Variants in C4orf50 observed in about 807,000 individuals in gnomAD.
The protein encoded by C4orf50 is uncharacterized protein C4orf50.
C4orf50 carries 80 observed loss-of-function variants against 77.2 expected under a neutral mutation model. That is an observed-to-expected ratio of 1.04 (90% CI 0.87 to 1.25). The LOEUF is 1.25. Among genes scored for constraint, C4orf50 ranks in the 50% most tolerant of loss-of-function variants. The pLI is 0.00. For synonymous variants in C4orf50, 532 were observed against 465.3 expected, an observed-to-expected ratio of 1.14 and a Z score of -1.84; for missense variants, 1,257 against 1,152.9, an observed-to-expected ratio of 1.09 and a Z score of -1.31.
intron 28 of C4orf50, among the ~76,000 whole-genome samples, chr4:5,987,377 C>T (rs1234144493): frequency 8.1e-6 from 1 of 123,180 alleles, no homozygotes; most frequent in South Asian, 2.7e-4. Context: ...CACCACTGCA[C>T]TCCAGCCTGG....
At chr4:5,980,147 A>G (rs779211767) in intron 29 of C4orf50, 27 bp downstream of exon 7, 7 of 1,545,348 alleles carry the variant, frequency 4.5e-6, no homozygotes, top group African/African-American at 1.4e-5. Context: ...CTGGCTGACA[A>G]GAGGGGAAAG....
At chr4:5,981,226 CT>C (rs1020175638) in intron 28 of C4orf50, among the ~76,000 whole-genome samples, 6 of 151,994 alleles carry the variant, frequency 3.9e-5, no homozygotes, top group African/African-American at 1.5e-4. Context: ...GTTGAAAATG[CT>C]GTTATTAGTA....
chr4:5,915,408 T>A (rs1456261735), intron 7 of C4orf50, among the ~76,000 whole-genome samples: 5 of 152,248 alleles, frequency 3.3e-5, no homozygotes, highest in African/African-American at 1.2e-4. Context: ...CCCAGTTCCT[T>A]TCTCCTTTGT....
chr4:5,988,730 G>A lies in C4orf50; in HGVS notation c.3316C>T (p.Gln1106Ter). ...AAACGCCCCTGATCCGTGCTCCTCT[G>A]CAAGGTGACTTCCCTCTCCAGGACA... The change falls in exon 28 of 34, where the codon CAG becomes TAG. Residue 1106 changes from glutamine to a stop codon, truncating the protein, a stop_gained. Coordinates refer to ENST00000531445, the Ensembl canonical transcript of C4orf50. LOFTEE classifies it high-confidence loss of function. 6.5e-7 allele frequency: 1 copy of A among 1,536,108 alleles called. No individual in the cohort carries two copies.
chr4:5,965,078 C>A lies in C4orf50; in HGVS notation c.4221G>T (p.Trp1407Cys), dbSNP rs1332999896. ...CTGGCCACTCCGGCTCGGGAATAGG[C>A]CAGGACTCTGAAGACAATGAGCTTT... Residue 1407 changes from tryptophan to cysteine, a missense_variant, in exon 33 of 34, where the codon TGG (tryptophan) becomes TGT (cysteine). By Grantham distance (215) the Trp-to-Cys change is radical. Coordinates refer to ENST00000531445, the Ensembl canonical transcript of C4orf50. 2.5e-6 allele frequency: 4 copies of A among 1,613,706 alleles called. No homozygotes were observed. In the South Asian group the frequency reaches 4.4e-5, roughly 18 times the overall value.
intron 7 of C4orf50, among the ~76,000 whole-genome samples, chr4:5,938,259 A>G (rs558492166): frequency 3.0e-4 from 46 of 152,366 alleles, no homozygotes; most frequent in Non-Finnish European, 5.3e-4. Context: ...AACATAAATA[A>G]TAAGAACAAA....
chr4:5,997,724 CT>C (rs1721656056), intron 25 of C4orf50, among the ~76,000 whole-genome samples: 1 of 152,164 alleles, frequency 6.6e-6, no homozygotes, highest in African/African-American at 2.4e-5. Context: ...CCCTTCTGGG[CT>C]TTTTTCTATG....
intron 7 of C4orf50, among the ~76,000 whole-genome samples, chr4:5,945,783 C>T (rs753247794): frequency 6.6e-6 from 1 of 152,194 alleles, no homozygotes; most frequent in South Asian, 2.1e-4. Context: ...CTGGGCTGGG[C>T]TGGACCCTGG....
chr4:5,927,328 C>T (rs905743200), intron 7 of C4orf50, among the ~76,000 whole-genome samples: 7 of 152,084 alleles, frequency 4.6e-5, no homozygotes, highest in African/African-American at 1.7e-4. Flanking sequence ...TCCAACCACA[C>T]TCAACTCCCT....
intron 24 of C4orf50, among the ~76,000 whole-genome samples, chr4:6,010,559 T>G (rs1260163420): frequency 6.6e-6 from 1 of 152,250 alleles, no homozygotes. Context: ...ACGTGCGATG[T>G]GCTTGCATAT....
intron 23 of C4orf50, among the ~76,000 whole-genome samples, chr4:6,014,034 C>T (rs1254563020): frequency 7.1e-6 from 1 of 141,172 alleles, no homozygotes; most frequent in African/African-American, 2.6e-5. Flanking sequence ...TGGAGTTTTG[C>T]GTTTGTTGCC....
At chr4:5,991,761 G>C (rs1041555854) in intron 27 of C4orf50, among the ~76,000 whole-genome samples, 1 of 152,104 alleles carries the variant, frequency 6.6e-6, no homozygotes, top group East Asian at 1.9e-4. Flanking sequence ...GGACAGAGGG[G>C]GTCTGAGCCT....
At chr4:5,929,905 C>T (rs773203833) in intron 7 of C4orf50, among the ~76,000 whole-genome samples, 55 of 152,336 alleles carry the variant, frequency 3.6e-4, no homozygotes, top group Non-Finnish European at 7.1e-4. Context: ...ATATTAGCTA[C>T]CCCGCAGTAA....
At position 6,017,775 on chromosome 4, in the gene C4orf50, G is replaced by T; in HGVS notation, c.287+370C>A. Among the ~76,000 whole-genome samples the T allele has an allele frequency of 6.6e-6, 1 of 152,094 alleles. No homozygotes were observed. Among genetic ancestry groups the T allele is most frequent in the East Asian group, 1.9e-4 (1 of 5,180 alleles). ...ACTGGATTTGTCTGCCTCTGTCCTT[G>T]GTTTCTCAGTTCCTTCTACACTTCC... is the stretch of plus-strand genomic sequence containing the variant. On this transcript the variant is annotated intron_variant, in intron 23 of 33. Coordinates refer to ENST00000531445, the Ensembl canonical transcript of C4orf50. The surrounding 1 kb of genome is among the most constrained non-coding windows in gnomAD (Gnocchi z 4.7).
intron 33 of C4orf50, among the ~76,000 whole-genome samples, chr4:5,964,704 G>C (rs1356561986): frequency 2.7e-5 from 4 of 148,784 alleles, no homozygotes; most frequent in Non-Finnish European, 5.9e-5. Context: ...GGAGGCAGAG[G>C]TTGCAGTGAG....
chr4:5,906,194 T>G (rs1203283777), intron 7 of C4orf50, among the ~76,000 whole-genome samples: 1 of 150,978 alleles, frequency 6.6e-6, no homozygotes, highest in African/African-American at 2.4e-5. Context: ...CCTGTGACGG[T>G]TGGCAGCATG....
rs182635176 is a variant in C4orf50, at chr4:5,917,384, G to A, written c.*2475-19196C>T. Among the ~76,000 whole-genome samples, 14 of 148,730 alleles carry A rather than the reference G, an allele frequency of 9.4e-5. No homozygotes were observed. In the East Asian group the frequency reaches 2.6e-3, roughly 27 times the overall value. On this transcript the variant is annotated intron_variant, in intron 7 of 7. Coordinates refer to the C4orf50 transcript ENST00000324058. ...CTGAAGCCATTGATGCAGGAAAGTCGTAGGTTTCAATTCCTGTATTTCTTT... is the reference window on the plus strand; with the variant it reads ...CTGAAGCCATTGATGCAGGAAAGTCATAGGTTTCAATTCCTGTATTTCTTT...
At chr4:5,927,268 C>A (rs1717557526) in intron 7 of C4orf50, among the ~76,000 whole-genome samples, 1 of 152,064 alleles carries the variant, frequency 6.6e-6, no homozygotes, top group Non-Finnish European at 1.5e-5. Context: ...TGCAAAGCCT[C>A]CAGGCCTTGC....
rs1717181147 is a variant in C4orf50, at chr4:5,919,684, T to C, written c.*2475-21496A>G. Among the ~76,000 whole-genome samples, 1 of 152,136 alleles carries C rather than the reference T, an allele frequency of 6.6e-6. No individual in the cohort carries two copies. Among genetic ancestry groups the C allele is most frequent in the South Asian group, 2.1e-4 (1 of 4,818 alleles). ...CTGAGTAGTCAGGCCTTTGCGAGGC[T>C]GGCTGCTGCAAATAAGAATTGGTGC... On this transcript the variant is annotated intron_variant, in intron 7 of 7. Coordinates refer to the C4orf50 transcript ENST00000324058. The surrounding 1 kb of genome is among the most constrained non-coding windows in gnomAD (Gnocchi z 6.5).
Sources: gnomAD v4.1 joint callset for allele counts (sites outside exome capture counted in the v4.1 genomes callset) on GRCh38, gnomAD v4.1.1 for gene constraint, Gnocchi (gnomAD v3.1) non-coding constraint, MANE v1.5 for transcripts, NCBI Gene and HGNC (gene_info 2026-07-23, HGNC 2026-07-21) for gene names.